Variants in FMR1 observed in about 807,000 individuals in gnomAD.
The protein encoded by FMR1 is fragile X messenger ribonucleoprotein 1, also known as FMRP translational regulator 1.
FMR1 carries 13 observed loss-of-function variants against 50.6 expected under a neutral mutation model. The ratio of observed to expected loss-of-function variants is 0.26; its 90% CI spans 0.17 to 0.41. The LOEUF is 0.41. Among genes scored for constraint, FMR1 ranks in the 10% least tolerant of loss-of-function variants. FMR1 has a pLI of 1.00. For synonymous variants in FMR1, 138 were observed against 164.1 expected (o/e 0.84, Z 1.22); for missense variants, 316 against 491.3 (o/e 0.64, Z 3.37).
At position 147,949,156 on chromosome X, in the gene FMR1, T is replaced by C. The variant is rs1216942841; in HGVS notation, c.*312T>C. 1.3e-5 allele frequency: 5 copies of C among 386,355 alleles called. No individual in the cohort carries two copies. Among genetic ancestry groups the C allele is most frequent in the Non-Finnish European group, 2.4e-5 (5 of 208,190 alleles). The allele number at this position is 386,355 out of a possible 1,213,427, so 31.8% of individuals were successfully genotyped here. A position where few individuals can be genotyped will look rare whatever the true frequency, so the allele number is the denominator to read the frequency against. On this transcript the variant is annotated 3_prime_UTR_variant, in exon 17 of 17. Transcript: ENST00000370475. Reference sequence around the variant, plus strand: ...TGTTAATTTGGACCATTTTCCTGCATTGGGTGATCATTCACCAGTACATTC... The same window carrying C: ...TGTTAATTTGGACCATTTTCCTGCACTGGGTGATCATTCACCAGTACATTC...
intron 1 of FMR1, 103 bp downstream of exon 1, chrX:147,912,333 GC>G: frequency 1.2e-6 from 1 of 801,495 alleles, no homozygotes; most frequent in South Asian, 2.4e-5. Context: ...CGAGCACCGC[GC>G]CTGGGTGCCA....
In FMR1 at chrX:147,948,904, G is replaced by C. The variant is rs782402226; in HGVS notation, c.*60G>C. On this transcript the variant is annotated 3_prime_UTR_variant, in exon 17 of 17. Transcript: ENST00000370475. ...TTTCCGTAATTCTTATTCCATATTA[G>C]AAAACTTTGTTAGGCCAAAGACAAA... The C allele has an allele frequency of 1.5e-3, 1,658 of 1,122,165 alleles. 1 individual carries two copies. The highest frequency in any genetic ancestry group is 1.7e-3 in the Middle Eastern group (7 of 4,105). The allele number at this position is 1,122,165 out of a possible 1,213,427, so 92.5% of individuals were successfully genotyped here. A position where few individuals can be genotyped will look rare whatever the true frequency, so the allele number is the denominator to read the frequency against.
intron 13 of FMR1, among the ~76,000 whole-genome samples, chrX:147,942,587 A>G (rs2044045081): frequency 8.9e-6 from 1 of 112,528 alleles, no homozygotes; most frequent in Admixed American, 9.4e-5. Flanking sequence ...AGTTGATGAA[A>G]AAATCATTGT....
At chrX:147,929,470 T>C (rs1214193192) in intron 5 of FMR1, among the ~76,000 whole-genome samples, 1 of 110,601 alleles carries the variant, frequency 9.0e-6, no homozygotes, top group Non-Finnish European at 1.9e-5. Context: ...TCAAATCGTT[T>C]AGCAGTTTCT....
At position 147,921,994 on chromosome X, in the gene FMR1, C is replaced by T. The variant is rs782189603; in HGVS notation, c.104+9C>T. On this transcript the variant is annotated intron_variant, in intron 2 of 16. Transcript: ENST00000370475. ...GTTGCATTTGAAAACAAGTAAGTGT[C>T]TCGTTATATAATTTTAATGATGAGG... The T allele has an allele frequency of 3.0e-5, 30 of 1,015,148 alleles. No individual in the cohort carries two copies. The highest frequency in any genetic ancestry group is 4.4e-5 in the Admixed American group (2 of 44,976). The allele number at this position is 1,015,148 out of a possible 1,213,427, so 83.7% of individuals were successfully genotyped here.
chrX:147,936,290 G>C (rs920030687), intron 9 of FMR1, among the ~76,000 whole-genome samples: 2 of 111,754 alleles, frequency 1.8e-5, no homozygotes, highest in African/African-American at 6.5e-5. Context: ...CTGACCAAAG[G>C]AGTTTAAACA....
At position 147,912,051 on chromosome X, in the gene FMR1, C is replaced by CGGCGGCGGCGGCGGCGGA. The variant is rs1931609447; in HGVS notation, c.-112_-111insAGGCGGCGGCGGCGGCGG. Reference sequence around the variant, plus strand: ...CGCTGCCAGGGGGCGTGCGGCAGCGCGGCGGCGGCGGCGGCGGCGGCGGCG... The same window carrying CGGCGGCGGCGGCGGCGGA: ...CGCTGCCAGGGGGCGTGCGGCAGCGCGGCGGCGGCGGCGGCGGAGGCGGCGGCGGCGGCGGCGGCGGCG... On this transcript the variant is annotated 5_prime_UTR_variant, in exon 1 of 17. Coordinates refer to ENST00000370475, the MANE Select transcript of FMR1 (RefSeq NM_002024.6). 17 of 73,531 alleles carry CGGCGGCGGCGGCGGCGGA rather than the reference C, an allele frequency of 2.3e-4. No homozygotes were observed. Among genetic ancestry groups the CGGCGGCGGCGGCGGCGGA allele is most frequent in the East Asian group, 4.5e-4 (1 of 2,204 alleles). The allele number at this position is 73,531 out of a possible 1,213,427, so 6.1% of individuals were successfully genotyped here.
At chrX:147,937,427 TC>T in intron 10 of FMR1, 38 bp from the exon 11 acceptor site, 1 of 911,588 alleles carries the variant, frequency 1.1e-6, no homozygotes, top group Non-Finnish European at 1.6e-6. Context: ...CTTAAATTGG[TC>T]CTTTTTTTCT....
intron 13 of FMR1, among the ~76,000 whole-genome samples, chrX:147,942,900 G>T (rs1297331382): frequency 8.9e-6 from 1 of 112,030 alleles, no homozygotes; most frequent in East Asian, 2.8e-4. Flanking sequence ...TTTTACTGCT[G>T]AGTGTTTTTG....
Position 147,950,314 on chromosome X carries a change from C to T in FMR1, c.*1470C>T, listed in dbSNP as rs1278030524. On this transcript the variant is annotated 3_prime_UTR_variant, in exon 17 of 17. Coordinates refer to ENST00000370475, the MANE Select transcript of FMR1 (RefSeq NM_002024.6). ...AAGCATATAAAATGGCAACAAACTGCACATGATTTCACAAATATTAAAAAG... is the reference window on the plus strand; with the variant it reads ...AAGCATATAAAATGGCAACAAACTGTACATGATTTCACAAATATTAAAAAG... 1 of 327,420 alleles carries T rather than the reference C, an allele frequency of 3.1e-6. No homozygotes were observed. The highest frequency in any genetic ancestry group is 5.9e-6 in the Non-Finnish European group (1 of 169,465). The allele number at this position is 327,420 out of a possible 1,213,427, so 27.0% of individuals were successfully genotyped here.
At chrX:147,948,504 A>G in intron 16 of FMR1, 179 bp from the exon 17 acceptor site, 1 of 1,084,782 alleles carries the variant, frequency 9.2e-7, no homozygotes. Flanking sequence ...AGTGTTTTAA[A>G]ATCATAAACC....
At chrX:147,927,033 C>T (rs1557177725) in intron 3 of FMR1, among the ~76,000 whole-genome samples, 1 of 111,949 alleles carries the variant, frequency 8.9e-6, no homozygotes, top group Non-Finnish European at 1.9e-5. Flanking sequence ...TTAAAGTGGA[C>T]ATAGGATATA....
At chrX:147,948,334 A>G in intron 16 of FMR1, 1 of 423,357 alleles carries the variant, frequency 2.4e-6, no homozygotes, top group Non-Finnish European at 3.1e-6. Flanking sequence ...CTCTAGTGTT[A>G]GAGGCATGTA....
In FMR1 at chrX:147,945,049, A is replaced by G. The variant is rs1350170625; in HGVS notation, c.1652A>G (p.Lys551Arg). 6.0e-6 allele frequency: 7 copies of G among 1,172,817 alleles called. No individual in the cohort carries two copies. The East Asian group carries it at 1.6e-4, about 26-fold the overall frequency. The stretch of plus-strand genomic sequence containing the variant: ...GGAAGAGGACGTGGAGGAGGCTTCA[A>G]AGGTATGGAGATCTTCATTAAGAAA... Reference protein sequence around the residue: ...QGGRGRGGGFKGNDDHSRTDN... With the variant: ...QGGRGRGGGFRGNDDHSRTDN... The change falls in exon 15 of 17, where the codon AAA (lysine) becomes AGA (arginine). Residue 551 changes from lysine to arginine, a missense_variant and splice_region_variant. Lys to Arg is a conservative substitution (Grantham distance 26, BLOSUM62 2). Around this residue, in one of 4 missense-constraint regions of FMR1, gnomAD observed 124 missense variants for 160.8 expected, o/e 0.77. Coordinates refer to ENST00000370475, the MANE Select transcript of FMR1 (RefSeq NM_002024.6).
In FMR1 at chrX:147,937,526, G is replaced by A; in HGVS notation, c.1051G>A (p.Glu351Lys). ...TTCAAGGGTTGGACCTAATGCCCCA[G>A]AAGAAAAAAAACATTTAGATATAAA... ...NNSRVGPNAP[E>K]EKKHLDIKEN... Residue 351 changes from glutamate (E) to lysine (K), a missense_variant, in exon 11 of 17, where the codon GAA becomes AAA. Physicochemically the swap from Glu to Lys is moderately conservative, Grantham distance 56. Around this residue, in one of 4 missense-constraint regions of FMR1, gnomAD observed 53 missense variants for 51.5 expected, o/e 1.03. Transcript: ENST00000370475. The A allele has an allele frequency of 8.3e-7, 1 of 1,200,806 alleles. No homozygotes were observed. Among genetic ancestry groups the A allele is most frequent in the Non-Finnish European group, 1.1e-6 (1 of 886,957 alleles).
intron 14 of FMR1, chrX:147,944,474 A>G (rs2044107283): frequency 5.3e-6 from 4 of 751,850 alleles, no homozygotes; most frequent in Non-Finnish European, 6.3e-6. Context: ...AAATCTTGCT[A>G]AAAGGAGCTC....
chrX:147,938,087 A>G lies in FMR1; in HGVS notation c.1126-12A>G, dbSNP rs370079718. 6 of 1,194,040 alleles carry G rather than the reference A, an allele frequency of 5.0e-6. No individual in the cohort carries two copies. The highest frequency in any genetic ancestry group is 3.5e-5 in the African/African-American group (2 of 57,029). On this transcript the variant is annotated splice_polypyrimidine_tract_variant and intron_variant, in intron 11 of 16. Transcript: ENST00000370475. ...GTTAATGACATCCCTTGCATTCCTT[A>G]TACTGCTTTAGGTGTTAGTGGCTTC...
chrX:147,926,801 T>G (rs1273960136), intron 3 of FMR1, among the ~76,000 whole-genome samples: 2 of 111,772 alleles, frequency 1.8e-5, no homozygotes, highest in African/African-American at 3.3e-5. Flanking sequence ...CCTTGAATTC[T>G]TATTTGCTGC....
intron 16 of FMR1, chrX:147,947,092 A>G (rs1424688327): frequency 9.1e-6 from 1 of 110,139 alleles, no homozygotes; most frequent in Admixed American, 9.8e-5. Context: ...TTAAAAGGTG[A>G]TGTTTTCTCT....
Sources: gnomAD v4.1 joint callset for allele counts (sites outside exome capture counted in the v4.1 genomes callset) on GRCh38, gnomAD v4.1.1 for gene constraint, gnomAD v4.1.1 regional missense constraint, MANE v1.5 for transcripts, NCBI Gene and HGNC (gene_info 2026-07-23, HGNC 2026-07-21) for gene names.